LARGE1: variants seen among roughly 807,000 people sequenced by gnomAD.
The protein encoded by LARGE1 is LARGE xylosyl- and glucuronyltransferase 1.
In LARGE1, 43 loss-of-function variants were observed where a neutral mutation model predicts 87.6. The ratio of observed to expected loss-of-function variants is 0.49; its 90% confidence interval spans 0.38 to 0.63. The LOEUF is 0.63. Among genes scored for constraint, LARGE1 ranks in the 30% least tolerant of loss-of-function variants. The pLI is 0.00. For missense variants in LARGE1, 802 were observed against 1,000.2 expected (o/e 0.80, Z 2.67); for synonymous variants, 434 against 394.6 (o/e 1.10, Z -1.18).
At chr22:33,656,487 C>G (rs1361544839) in intron 2 of LARGE1, among the ~76,000 whole-genome samples, 1 of 152,140 alleles carries the variant, frequency 6.6e-6, no homozygotes. Context: ...GGTGGGGACA[C>G]AGCCAAACCG....
At chr22:33,637,601 C>T (rs2149123201) in intron 3 of LARGE1, among the ~76,000 whole-genome samples, 1 of 82,632 alleles carries the variant, frequency 1.2e-5, no homozygotes, top group East Asian at 2.8e-4. Context: ...TAGCTTTTTA[C>T]TTCTTCTGTT....
intron 2 of LARGE1, among the ~76,000 whole-genome samples, chr22:33,746,978 G>A (rs2084111614): frequency 6.6e-6 from 1 of 152,152 alleles, no homozygotes; most frequent in African/African-American, 2.4e-5. Flanking sequence ...ACCCCATTTA[G>A]TAGATCTAGG....
At chr22:33,571,247 T>C (rs1436928420) in intron 5 of LARGE1, among the ~76,000 whole-genome samples, 1 of 151,604 alleles carries the variant, frequency 6.6e-6, no homozygotes, top group East Asian at 1.9e-4. Flanking sequence ...AACTGGGGGG[T>C]TGGGGATGCT....
intron 9 of LARGE1, among the ~76,000 whole-genome samples, chr22:33,363,014 G>C (rs960417625): frequency 6.7e-6 from 1 of 150,044 alleles, no homozygotes; most frequent in African/African-American, 2.5e-5. Flanking sequence ...AGCAAATCAA[G>C]GTTAAAATAT....
At chr22:33,834,263 C>T (rs2146355772) in intron 1 of LARGE1, among the ~76,000 whole-genome samples, 2 of 152,282 alleles carry the variant, frequency 1.3e-5, no homozygotes, top group South Asian at 4.1e-4. Context: ...TAATCATAAT[C>T]AAGAAAATAT....
intron 7 of LARGE1, among the ~76,000 whole-genome samples, chr22:33,409,210 G>A (rs559973643): frequency 8.5e-5 from 13 of 152,216 alleles, no homozygotes; most frequent in Admixed American, 1.3e-4. Flanking sequence ...AAGGAGATGC[G>A]GCAGGCAAGG....
chr22:33,763,397 A>G (rs938911445), intron 1 of LARGE1, among the ~76,000 whole-genome samples: 4 of 152,240 alleles, frequency 2.6e-5, no homozygotes, highest in Non-Finnish European at 5.9e-5. Context: ...TGTAGACTAG[A>G]AAGTAAAACT....
At chr22:33,720,613 G>A (rs913222493) in intron 2 of LARGE1, among the ~76,000 whole-genome samples, 3 of 152,242 alleles carry the variant, frequency 2.0e-5, no homozygotes, top group African/African-American at 7.2e-5. Flanking sequence ...TTTACTGAGA[G>A]TGACTGCACC....
intron 1 of LARGE1, among the ~76,000 whole-genome samples, chr22:33,867,130 G>T (rs2064129261): frequency 6.6e-6 from 1 of 152,224 alleles, no homozygotes; most frequent in African/African-American, 2.4e-5. Flanking sequence ...CACAAGCAAT[G>T]AACTGGGCTC....
chr22:33,528,705 G>C (rs1054138091), intron 6 of LARGE1, among the ~76,000 whole-genome samples: 1 of 152,076 alleles, frequency 6.6e-6, no homozygotes, highest in Non-Finnish European at 1.5e-5. Flanking sequence ...CCTTGCAGAA[G>C]AAAGCCTAAC....
At chr22:33,556,425 G>A (rs923679466) in intron 6 of LARGE1, among the ~76,000 whole-genome samples, 1 of 151,302 alleles carries the variant, frequency 6.6e-6, no homozygotes, top group Admixed American at 6.6e-5. Flanking sequence ...TTACCCCCAG[G>A]GCCTAGGGCA....
At chr22:33,740,579 G>C (rs2083842321) in intron 2 of LARGE1, among the ~76,000 whole-genome samples, 1 of 152,210 alleles carries the variant, frequency 6.6e-6, no homozygotes, top group Admixed American at 6.5e-5. Context: ...TCCAGTATCA[G>C]ACGTACACTT....
intron 6 of LARGE1, among the ~76,000 whole-genome samples, chr22:33,444,991 G>A (rs572430373): frequency 6.6e-6 from 1 of 152,176 alleles, no homozygotes; most frequent in East Asian, 1.9e-4. Context: ...CACCATGCAC[G>A]GCTCATTTTT....
chr22:33,835,159 T>C (rs779476235), intron 1 of LARGE1, among the ~76,000 whole-genome samples: 4 of 152,256 alleles, frequency 2.6e-5, no homozygotes, highest in Non-Finnish European at 5.9e-5. Flanking sequence ...TGCTGGTGCT[T>C]ATGCAGAAAT....
chr22:33,266,317 G>T (rs918393732), intron 11 of LARGE1, among the ~76,000 whole-genome samples: 6 of 147,290 alleles, frequency 4.1e-5, no homozygotes, highest in Non-Finnish European at 5.9e-5. Context: ...CACCTCCTCG[G>T]TTCAAGCGAT....
intron 1 of LARGE1, among the ~76,000 whole-genome samples, chr22:33,781,589 G>A (rs1050276628): frequency 6.6e-6 from 1 of 152,174 alleles, no homozygotes; most frequent in Non-Finnish European, 1.5e-5. Context: ...CAAAGACCAA[G>A]GCAGCTTCCA....
intron 1 of LARGE1, among the ~76,000 whole-genome samples, chr22:33,905,062 CTTTT>C (rs71187290): frequency 4.2e-5 from 5 of 118,848 alleles, no homozygotes; most frequent in Non-Finnish European, 6.9e-5. Flanking sequence ...TTTTTAATTC[CTTTT>C]TTTTTTTTTT....
intron 1 of LARGE1, among the ~76,000 whole-genome samples, chr22:33,878,129 C>CTTTTTTTTTTATTTT: frequency 2.2e-5 from 1 of 44,652 alleles, no homozygotes; most frequent in Non-Finnish European, 5.1e-5. Context: ...TATTGTATTT[C>CTTTTTTTTTTATTTT]TTTTTTTTTT....
intron 1 of LARGE1, among the ~76,000 whole-genome samples, chr22:33,789,072 A>ACAG (rs1378671436): frequency 1.3e-5 from 2 of 152,358 alleles, no homozygotes; most frequent in East Asian, 3.9e-4. Flanking sequence ...AGAGGTCTTC[A>ACAG]CAGCAGCCCC....
Sources: allele counts gnomAD v4.1 joint callset (sites outside exome capture counted in the v4.1 genomes callset), GRCh38; gene constraint gnomAD v4.1.1; transcripts MANE v1.5; gene names NCBI Gene and HGNC (gene_info 2026-07-23, HGNC 2026-07-21).